Variants in AGAP1 observed in about 807,000 individuals in gnomAD.
AGAP1 encodes the protein arf-GAP with GTPase, ANK repeat and PH domain-containing protein 1.
A neutral mutation model predicts 105.3 loss-of-function variants in AGAP1; 29 were observed. That is an observed-to-expected ratio of 0.28 (90% CI 0.21 to 0.38). AGAP1 has a LOEUF of 0.38. Ranked by LOEUF, AGAP1 falls within the 10% of genes least tolerant of loss-of-function variation. The pLI is 1.00. For missense variants in AGAP1, 998 were observed against 1,165.1 expected (o/e 0.86, Z 2.09); for synonymous variants, 509 against 485.9 (o/e 1.05, Z -0.63).
At chr2:235,933,536 A>ATT (rs71036300) in intron 12 of AGAP1, among the ~76,000 whole-genome samples, 28,275 of 141,876 alleles carry the variant, frequency 0.2, 3,056 homozygotes, top group South Asian at 0.32. Flanking sequence ...TTTTCTAAGG[A>ATT]TTTTTTTTTT....
chr2:235,833,957 T>TAAA (rs60112448), intron 9 of AGAP1, among the ~76,000 whole-genome samples: 7,120 of 137,734 alleles, frequency 0.052, 586 homozygotes, highest in African/African-American at 0.17. Context: ...ATTTTTTTTG[T>TAAA]AAAAAAAAAA....
intron 13 of AGAP1, among the ~76,000 whole-genome samples, chr2:235,980,400 A>G (rs1368020320): frequency 1.3e-5 from 2 of 152,230 alleles, no homozygotes; most frequent in Non-Finnish European, 2.9e-5. Context: ...GCTTCAGGTG[A>G]AAAATGGACA....
rs1010807079 is a variant in AGAP1, at chr2:235,772,192, G to A, written c.673+21704G>A. Reference sequence around the variant, plus strand: ...TTTTTGTATTTTTAGTAGAGACAGGGATGTCGGCCAGGCTGGTCTCGAATC... The same window carrying A: ...TTTTTGTATTTTTAGTAGAGACAGGAATGTCGGCCAGGCTGGTCTCGAATC... On this transcript the variant is annotated intron_variant, in intron 6 of 17. Transcript: ENST00000304032. Among the ~76,000 whole-genome samples the A allele has an allele frequency of 3.3e-4, 50 of 151,822 alleles. 1 individual carries two copies. The highest frequency in any genetic ancestry group is 1.2e-3 in the African/African-American group (48 of 41,272).
chr2:235,868,730 G>C (rs978924078), intron 9 of AGAP1, among the ~76,000 whole-genome samples: 1 of 152,214 alleles, frequency 6.6e-6, no homozygotes, highest in Non-Finnish European at 1.5e-5. Context: ...ACAGCTTGGG[G>C]CTGCAGCAAA....
At chr2:235,671,624 T>TG (rs1948435999) in intron 1 of AGAP1, among the ~76,000 whole-genome samples, 1 of 152,110 alleles carries the variant, frequency 6.6e-6, no homozygotes, top group South Asian at 2.1e-4. Context: ...GGGCCTGGGG[T>TG]GGGACGGAGG....
rs1575800338 is a variant in AGAP1, at chr2:235,927,191, G to T, written c.1325-3574G>T. Among the ~76,000 whole-genome samples, 1 of 152,136 alleles carries T rather than the reference G, an allele frequency of 6.6e-6. No individual in the cohort carries two copies. The highest frequency in any genetic ancestry group is 1.5e-5 in the Non-Finnish European group (1 of 68,030). On this transcript the variant is annotated intron_variant, in intron 11 of 17. Coordinates refer to ENST00000304032, the MANE Select transcript of AGAP1 (RefSeq NM_001037131.3). The surrounding 1 kb of genome is among the most constrained non-coding windows in gnomAD (Gnocchi z 4.4). ...CTGGGGGGCCTTCACGAGCTATAGG[G>T]CTCTAAGAGTCTGCCGTCAGAAGGA... is the stretch of plus-strand genomic sequence containing the variant.
intron 13 of AGAP1, among the ~76,000 whole-genome samples, chr2:236,017,429 T>C (rs2056743918): frequency 6.6e-6 from 1 of 151,988 alleles, no homozygotes; most frequent in Non-Finnish European, 1.5e-5. Context: ...TCATGAAAAT[T>C]TGTATCCTGA....
chr2:235,761,484 T>C (rs1575368014), intron 6 of AGAP1, among the ~76,000 whole-genome samples: 1 of 152,366 alleles, frequency 6.6e-6, no homozygotes, highest in South Asian at 2.1e-4. Flanking sequence ...AATACTTCTC[T>C]GCACTGCGGT....
intron 12 of AGAP1, among the ~76,000 whole-genome samples, chr2:235,939,612 C>G (rs2125204055): frequency 6.6e-6 from 1 of 151,890 alleles, no homozygotes; most frequent in Non-Finnish European, 1.5e-5. Flanking sequence ...CTCTTCAACC[C>G]TCTCCCATGT....
At chr2:235,947,160 T>C (rs1251841755) in intron 12 of AGAP1, among the ~76,000 whole-genome samples, 2 of 152,268 alleles carry the variant, frequency 1.3e-5, no homozygotes, top group South Asian at 2.1e-4. Context: ...TTTCTGAGGT[T>C]TTGGTGCACC....
rs1302243621 is a variant in AGAP1, at chr2:236,061,951, C to G, written c.2114+12670C>G. On this transcript the variant is annotated intron_variant, in intron 16 of 17. Coordinates refer to ENST00000304032, the MANE Select transcript of AGAP1 (RefSeq NM_001037131.3). This position sits in a 1 kb window ranked among gnomAD's most constrained non-coding sequence, Gnocchi z 4.1. ...GGCGTTCCACAAAGAGCAGCTGGAG[C>G]AAAGGTGCAGGCGTACAGGAACGCA... Among the ~76,000 whole-genome samples, 1 of 150,908 alleles carries G rather than the reference C, an allele frequency of 6.6e-6. No homozygotes were observed. The highest frequency in any genetic ancestry group is 1.5e-5 in the Non-Finnish European group (1 of 67,900).
At chr2:235,785,168 G>T (rs1227883714) in intron 6 of AGAP1, among the ~76,000 whole-genome samples, 1 of 152,152 alleles carries the variant, frequency 6.6e-6, no homozygotes, top group Non-Finnish European at 1.5e-5. Context: ...TTGTTGTAAG[G>T]ATAATTATTT....
At chr2:235,651,997 C>G (rs955893219) in intron 1 of AGAP1, among the ~76,000 whole-genome samples, 29 of 152,084 alleles carry the variant, frequency 1.9e-4, no homozygotes, top group Non-Finnish European at 3.8e-4. Context: ...TTGGGGCACC[C>G]CTTTTGTTTT....
chr2:235,509,533 A>G (rs1033948660), intron 1 of AGAP1, among the ~76,000 whole-genome samples: 4 of 152,096 alleles, frequency 2.6e-5, no homozygotes, highest in African/African-American at 9.7e-5. Context: ...ACGCCCGGCC[A>G]GAGGTGTGGT....
rs1018784400 is a variant in AGAP1 at position 235,877,810 on chromosome 2, C to G, written c.1051-5535C>G. Among the ~76,000 whole-genome samples, 5 of 152,240 alleles carry G rather than the reference C, an allele frequency of 3.3e-5. No individual in the cohort carries two copies. The highest frequency in any genetic ancestry group is 1.3e-4 in the Admixed American group (2 of 15,282). On this transcript the variant is annotated intron_variant, in intron 9 of 17. Transcript: ENST00000304032. The surrounding 1 kb of genome is among the most constrained non-coding windows in gnomAD (Gnocchi z 4.3). ...GTTACATTTGGATTGATCCCTCCCCCTCTTGGGTACACCCAACCACTGGTC... is the reference window on the plus strand; with the variant it reads ...GTTACATTTGGATTGATCCCTCCCCGTCTTGGGTACACCCAACCACTGGTC...
chr2:235,955,591 C>T (rs2053913651), intron 12 of AGAP1, among the ~76,000 whole-genome samples: 1 of 152,198 alleles, frequency 6.6e-6, no homozygotes, highest in African/African-American at 2.4e-5. Flanking sequence ...ATATTCTGCT[C>T]TTTATGATGT....
chr2:236,115,291 A>T (rs534499601), intron 16 of AGAP1, among the ~76,000 whole-genome samples: 1 of 152,346 alleles, frequency 6.6e-6, no homozygotes, highest in East Asian at 1.9e-4. Context: ...GTGATCCCAA[A>T]TCCCAAAACA....
In AGAP1 at chr2:235,993,609, T is replaced by G. The variant is rs866283711; in HGVS notation, c.1645+24986T>G. ...GTGGAAACTGAAGCCAGCAAGATAC[T>G]GTGAAGGAAAATGCTTGGAGAATGT... is the stretch of plus-strand genomic sequence containing the variant. On this transcript the variant is annotated intron_variant, in intron 13 of 17. Coordinates refer to ENST00000304032, the MANE Select transcript of AGAP1 (RefSeq NM_001037131.3). This position sits in a 1 kb window ranked among gnomAD's most constrained non-coding sequence, Gnocchi z 5.0. 5.3e-5 allele frequency among the ~76,000 whole-genome samples: 8 copies of G among 152,230 alleles called. No individual in the cohort carries two copies. The highest frequency in any genetic ancestry group is 7.3e-5 in the Non-Finnish European group (5 of 68,040).
At chr2:235,590,979 C>G (rs1398329144) in intron 1 of AGAP1, among the ~76,000 whole-genome samples, 1 of 151,394 alleles carries the variant, frequency 6.6e-6, no homozygotes, top group African/African-American at 2.4e-5. Flanking sequence ...TCTCGGCCTC[C>G]CAAAGTGCTG....
Sources: gnomAD v4.1 joint callset for allele counts (sites outside exome capture counted in the v4.1 genomes callset) on GRCh38, gnomAD v4.1.1 for gene constraint, Gnocchi (gnomAD v3.1) non-coding constraint, MANE v1.5 for transcripts, NCBI Gene and HGNC (gene_info 2026-07-23, HGNC 2026-07-21) for gene names.